Variants in NRCAM observed in about 807,000 individuals in gnomAD.
NRCAM encodes the protein NgCAM-related cell adhesion molecule.
Under a neutral mutation model 156.5 loss-of-function variants are expected in NRCAM, and 83 were observed. That is an observed-to-expected ratio of 0.53 (90% confidence interval 0.44 to 0.64). The LOEUF is 0.64. Among genes scored for constraint, NRCAM ranks in the 30% least tolerant of loss-of-function variants. The pLI is 0.00. For synonymous variants in NRCAM, 538 were observed against 563.9 expected (o/e 0.95, Z 0.65); for missense variants, 1,417 against 1,597.3 (o/e 0.89, Z 1.92).
At chr7:108,275,764 G>T (rs1318556450) in intron 3 of NRCAM, among the ~76,000 whole-genome samples, 1 of 152,028 alleles carries the variant, frequency 6.6e-6, no homozygotes, top group Admixed American at 6.5e-5. Context: ...GTTATTTATT[G>T]TCTTCTGCTA....
At chr7:108,450,885 T>C (rs1262199006) in intron 1 of NRCAM, among the ~76,000 whole-genome samples, 6 of 152,240 alleles carry the variant, frequency 3.9e-5, no homozygotes, top group Admixed American at 2.6e-4. Context: ...ATGCTGTGAA[T>C]GACTTGTTCA....
chr7:108,289,062 G>C (rs138585682), intron 3 of NRCAM, among the ~76,000 whole-genome samples: 3 of 152,030 alleles, frequency 2.0e-5, no homozygotes, highest in African/African-American at 7.2e-5. Context: ...GACTTGGAGC[G>C]ATCACAGGAT....
At chr7:108,298,294 G>A (rs1429276721) in intron 3 of NRCAM, among the ~76,000 whole-genome samples, 3 of 151,950 alleles carry the variant, frequency 2.0e-5, no homozygotes, top group African/African-American at 7.3e-5. Flanking sequence ...GTTTTAGGGT[G>A]TGACAATGTA....
rs1462033718 is a variant in NRCAM, at chr7:108,149,068, C to CT, written c.*841dup. The CT allele has an allele frequency of 6.6e-6, 1 of 152,626 alleles. No individual in the cohort carries two copies. Among genetic ancestry groups the CT allele is most frequent in the African/African-American group, 2.4e-5 (1 of 41,448 alleles). 9.5% of individuals were successfully genotyped at this position (152,626 alleles called of 1,614,324 possible). The stretch of plus-strand genomic sequence containing the variant: ...CACGATGTTGTGGAATGCTTAATAT[C>CT]TGAAGGCACTGTATGTGTCTTGCCC... On this transcript the variant is annotated 3_prime_UTR_variant, in exon 33 of 33. Transcript: ENST00000379028.
intron 1 of NRCAM, among the ~76,000 whole-genome samples, chr7:108,445,202 G>A (rs981119026): frequency 1.3e-5 from 2 of 152,100 alleles, no homozygotes; most frequent in African/African-American, 4.8e-5. Context: ...TTAGATTTAT[G>A]GACATTGACT....
intron 2 of NRCAM, among the ~76,000 whole-genome samples, chr7:108,366,365 T>C (rs756961515): frequency 6.6e-6 from 1 of 152,208 alleles, no homozygotes; most frequent in East Asian, 1.9e-4. Flanking sequence ...AAGACTGCAA[T>C]TGAACCACTA....
intron 2 of NRCAM, among the ~76,000 whole-genome samples, chr7:108,337,741 A>G (rs1384055032): frequency 6.6e-6 from 1 of 152,006 alleles, no homozygotes; most frequent in Non-Finnish European, 1.5e-5. Context: ...TCTTGGAAGC[A>G]GCCTGCCACC....
At chr7:108,350,476 T>G (rs981353791) in intron 2 of NRCAM, among the ~76,000 whole-genome samples, 2 of 152,246 alleles carry the variant, frequency 1.3e-5, no homozygotes, top group African/African-American at 4.8e-5. Context: ...CCAATGGCAG[T>G]TTGTATATAA....
At chr7:108,311,193 A>G (rs1592817821) in intron 3 of NRCAM, among the ~76,000 whole-genome samples, 1 of 152,214 alleles carries the variant, frequency 6.6e-6, no homozygotes, top group Non-Finnish European at 1.5e-5. Flanking sequence ...ATCAGACAAT[A>G]TATTATCTAC....
intron 3 of NRCAM, among the ~76,000 whole-genome samples, chr7:108,271,647 T>G (rs2097355133): frequency 6.6e-6 from 1 of 151,318 alleles, no homozygotes; most frequent in Non-Finnish European, 1.5e-5. Context: ...AAGCCAAGAT[T>G]GTGCCATTGT....
intron 20 of NRCAM, 89 bp from the exon 21 acceptor site, chr7:108,184,703 A>G: frequency 1.0e-6 from 1 of 983,706 alleles, no homozygotes; most frequent in Non-Finnish European, 1.5e-6. Flanking sequence ...GGGCAACCCA[A>G]CACAAGCAAC....
intron 3 of NRCAM, among the ~76,000 whole-genome samples, chr7:108,274,952 T>C (rs1399760874): frequency 6.6e-6 from 1 of 152,222 alleles, no homozygotes; most frequent in Non-Finnish European, 1.5e-5. Context: ...CATGAAAGGC[T>C]GTTGGATATT....
intron 32 of NRCAM, among the ~76,000 whole-genome samples, chr7:108,158,651 A>G (rs2046951856): frequency 6.6e-6 from 1 of 152,144 alleles, no homozygotes; most frequent in African/African-American, 2.4e-5. Flanking sequence ...GGTATTTTAT[A>G]TAAGCAAGGG....
At chr7:108,212,973 T>C (rs1341475262) in intron 11 of NRCAM, among the ~76,000 whole-genome samples, 1 of 152,072 alleles carries the variant, frequency 6.6e-6, no homozygotes, top group African/African-American at 2.4e-5. Flanking sequence ...ATGACGGAAA[T>C]AATCTAAAGA....
chr7:108,172,274 CATTT>C (rs71137610), intron 28 of NRCAM, among the ~76,000 whole-genome samples: 2 of 150,584 alleles, frequency 1.3e-5, no homozygotes, highest in Admixed American at 6.6e-5. Context: ...ACCCTGAAAT[CATTT>C]ATTTATTTAT....
chr7:108,390,505 GA>G lies in NRCAM; in HGVS notation c.-174+8930del, dbSNP rs202098336. On this transcript the variant is annotated intron_variant, in intron 2 of 32. Transcript: ENST00000379028. The stretch of plus-strand genomic sequence containing the variant: ...TTGCTAGCAGTCTATCAATTTTGTT[GA>G]TTTTTTTAAAAAACCAGCTCCTGGA... Among the ~76,000 whole-genome samples the G allele has an allele frequency of 2.2e-3, 328 of 151,788 alleles. 1 individual carries two copies. The highest frequency in any genetic ancestry group is 7.3e-3 in the African/African-American group (301 of 41,364).
intron 3 of NRCAM, among the ~76,000 whole-genome samples, chr7:108,263,662 G>C (rs1043271743): frequency 5.3e-5 from 8 of 152,224 alleles, no homozygotes; most frequent in Non-Finnish European, 1.5e-5. Context: ...AAACCACTTA[G>C]GAAGCTAGAA....
intron 2 of NRCAM, among the ~76,000 whole-genome samples, chr7:108,378,085 T>A (rs1041636940): frequency 1.9e-4 from 29 of 152,182 alleles, no homozygotes; most frequent in African/African-American, 6.5e-4. Context: ...TCATAATTTT[T>A]AAAAAATTTG....
chr7:108,211,123 C>A (rs372473292), intron 11 of NRCAM, among the ~76,000 whole-genome samples: 2 of 152,298 alleles, frequency 1.3e-5, no homozygotes, highest in South Asian at 4.1e-4. Context: ...GCCCAAACTG[C>A]AGAAGTGAAA....
Sources: allele counts gnomAD v4.1 joint callset (sites outside exome capture counted in the v4.1 genomes callset), GRCh38; gene constraint gnomAD v4.1.1; transcripts MANE v1.5; gene names NCBI Gene and HGNC (gene_info 2026-07-23, HGNC 2026-07-21).